Variants in MTSS1 observed in about 807,000 individuals in gnomAD.
MTSS1 encodes the protein protein MTSS 1.
In MTSS1, 18 loss-of-function variants were observed where a neutral mutation model predicts 79.0. The observed-to-expected ratio is 0.23, with a 90% CI of 0.16 to 0.34. The LOEUF (loss-of-function observed/expected upper bound fraction) is 0.34. Ranked by LOEUF, MTSS1 falls within the 10% of genes least tolerant of loss-of-function variation. MTSS1 has a pLI of 1.00. For missense variants in MTSS1, 815 were observed against 986.2 expected (o/e 0.83, Z 2.33); for synonymous variants, 341 against 368.6 (o/e 0.93, Z 0.86).
chr8:124,572,800 G>A (rs189880416), intron 6 of MTSS1, among the ~76,000 whole-genome samples: 16 of 144,852 alleles, frequency 1.1e-4, no homozygotes, highest in African/African-American at 4.2e-4. Context: ...TGGATGGAGT[G>A]CAGTGGCGTG....
chr8:124,606,164 GTTTTTTGTTTTTT>G (rs1185322177), intron 3 of MTSS1, among the ~76,000 whole-genome samples: 4 of 106,060 alleles, frequency 3.8e-5, no homozygotes, highest in African/African-American at 1.8e-4. Flanking sequence ...TCTGTGTTTG[GTTTTTTGTTTTTT>G]TTTTTTTTTT....
At chr8:124,609,551 G>A (rs1453493595) in intron 3 of MTSS1, among the ~76,000 whole-genome samples, 1 of 152,124 alleles carries the variant, frequency 6.6e-6, no homozygotes, top group East Asian at 1.9e-4. Flanking sequence ...GATTAGAAGT[G>A]GTTCAGAGGC....
At chr8:124,627,756 C>T (rs1815005119) in intron 3 of MTSS1, among the ~76,000 whole-genome samples, 3 of 152,226 alleles carry the variant, frequency 2.0e-5, no homozygotes, top group Admixed American at 2.0e-4. Context: ...TAAAGGTCAG[C>T]CTGAGCTTCC....
intron 3 of MTSS1, among the ~76,000 whole-genome samples, chr8:124,690,015 A>G (rs10090511): frequency 0.77 from 117,384 of 151,992 alleles, 45,529 homozygotes; most frequent in East Asian, 0.94. Flanking sequence ...TCTGTTAGCT[A>G]GAAGTGGGCA....
chr8:124,627,823 A>G (rs919631693), intron 3 of MTSS1, among the ~76,000 whole-genome samples: 10 of 152,274 alleles, frequency 6.6e-5, no homozygotes, highest in African/African-American at 2.4e-4. Context: ...ACTGCGCTTT[A>G]GAAAGAAAAC....
In MTSS1 at chr8:124,683,381, A is replaced by G. The variant is rs558472672; in HGVS notation, c.208+16145T>C. Among the ~76,000 whole-genome samples, 16 of 152,368 alleles carry G rather than the reference A, an allele frequency of 1.1e-4. No individual in the cohort carries two copies. In the South Asian group the frequency reaches 3.1e-3, roughly 30 times the overall value. On this transcript the variant is annotated intron_variant, in intron 3 of 13. Transcript: ENST00000518547. This position sits in a 1 kb window ranked among gnomAD's most constrained non-coding sequence, Gnocchi z 4.5. The stretch of plus-strand genomic sequence containing the variant: ...TATCAAATACTAGCTTTATGTATAT[A>G]TAGATATATACGTATATACACATAT...
intron 10 of MTSS1, among the ~76,000 whole-genome samples, chr8:124,559,851 TCA>T (rs1824902042): frequency 6.6e-6 from 1 of 152,242 alleles, no homozygotes; most frequent in African/African-American, 2.4e-5. Context: ...TGGCTTAACC[TCA>T]GTTTGTTTAA....
chr8:124,714,792 T>C (rs1394337233), intron 1 of MTSS1, among the ~76,000 whole-genome samples: 1 of 152,140 alleles, frequency 6.6e-6, no homozygotes, highest in African/African-American at 2.4e-5. Flanking sequence ...AAAATAAAAT[T>C]GTATAATGGG....
At chr8:124,656,711 G>A (rs1821004292) in intron 3 of MTSS1, among the ~76,000 whole-genome samples, 2 of 147,800 alleles carry the variant, frequency 1.4e-5, no homozygotes, top group South Asian at 2.1e-4. Context: ...CCAGGTGGTA[G>A]AGGTTGCAGT....
intron 4 of MTSS1, among the ~76,000 whole-genome samples, chr8:124,590,665 G>A (rs1203084615): frequency 2.0e-5 from 3 of 152,142 alleles, no homozygotes; most frequent in South Asian, 4.1e-4. Context: ...ACCCAATTCC[G>A]GTGCCAGCTA....
intron 3 of MTSS1, among the ~76,000 whole-genome samples, chr8:124,656,207 T>C (rs1032405993): frequency 2.0e-5 from 3 of 152,268 alleles, no homozygotes; most frequent in Non-Finnish European, 4.4e-5. Context: ...GCTTAAGTAG[T>C]GGGGCTAGCA....
chr8:124,704,479 G>C (rs1830128969), intron 1 of MTSS1, among the ~76,000 whole-genome samples: 1 of 152,118 alleles, frequency 6.6e-6, no homozygotes, highest in South Asian at 2.1e-4. Flanking sequence ...CCAAATTTAA[G>C]GTGTACAGAA....
intron 3 of MTSS1, among the ~76,000 whole-genome samples, chr8:124,642,373 TC>T (rs1486801269): frequency 1.3e-5 from 2 of 152,014 alleles, no homozygotes; most frequent in African/African-American, 4.8e-5. Flanking sequence ...AAGAAAAACA[TC>T]TCCATTTTCA....
At position 124,642,005 on chromosome 8, in the gene MTSS1, A is replaced by T. The variant is rs1273255647; in HGVS notation, c.209-50770T>A. Among the ~76,000 whole-genome samples the T allele has an allele frequency of 2.0e-5, 3 of 152,194 alleles. No homozygotes were observed. In the East Asian group the frequency reaches 5.8e-4, roughly 29 times the overall value. ...GAGAAATTTATAGACAGCTAAATCC[A>T]GCAAAAAGATAAATCATTTACCCTT... On this transcript the variant is annotated intron_variant, in intron 3 of 13. Coordinates refer to ENST00000518547, the MANE Select transcript of MTSS1 (RefSeq NM_014751.6).
At chr8:124,707,315 G>C (rs541906005) in intron 1 of MTSS1, among the ~76,000 whole-genome samples, 26 of 145,934 alleles carry the variant, frequency 1.8e-4, no homozygotes, top group African/African-American at 6.2e-4. Context: ...GGGAAGCTGA[G>C]GCAGGAGGAT....
chr8:124,717,002 TA>T (rs34043239), intron 1 of MTSS1, among the ~76,000 whole-genome samples: 1,406 of 132,362 alleles, frequency 0.011, 9 homozygotes, highest in African/African-American at 0.025. Context: ...TTATAATTAG[TA>T]AAAAAAAAAA....
In MTSS1 at chr8:124,613,082, C is replaced by T. The variant is rs1050520519; in HGVS notation, c.209-21847G>A. 3.9e-5 allele frequency among the ~76,000 whole-genome samples: 6 copies of T among 152,160 alleles called. No individual in the cohort carries two copies. In the East Asian group the frequency reaches 5.8e-4, roughly 15 times the overall value. ...TAGGCTGTCTCTCAATACACTCAGC[C>T]GCCCGAGGACCATCTTACAGATGAG... On this transcript the variant is annotated intron_variant, in intron 3 of 13. Transcript: ENST00000518547.
intron 3 of MTSS1, among the ~76,000 whole-genome samples, chr8:124,632,298 A>T (rs199892423): frequency 0.026 from 3,870 of 149,326 alleles, 166 homozygotes; most frequent in African/African-American, 0.09. Flanking sequence ...AAAAAAAAAA[A>T]GGTAAGGAAC....
intron 3 of MTSS1, among the ~76,000 whole-genome samples, chr8:124,631,293 C>A (rs1815894324): frequency 6.6e-6 from 1 of 152,244 alleles, no homozygotes; most frequent in Admixed American, 6.5e-5. Context: ...ACCCACCAAT[C>A]TCCCTAATGA....
Sources: gnomAD v4.1 joint callset for allele counts (sites outside exome capture counted in the v4.1 genomes callset) on GRCh38, gnomAD v4.1.1 for gene constraint, Gnocchi (gnomAD v3.1) non-coding constraint, MANE v1.5 for transcripts, NCBI Gene and HGNC (gene_info 2026-07-23, HGNC 2026-07-21) for gene names.